Variants in KDELR1 observed in about 807,000 individuals in gnomAD.
The protein encoded by KDELR1 is ER lumen protein-retaining receptor 1.
KDELR1 carries 16 observed loss-of-function variants against 25.5 expected under a neutral mutation model. That is an observed-to-expected ratio of 0.63 (90% CI 0.43 to 0.95). The LOEUF (loss-of-function observed/expected upper bound fraction) is 0.95. KDELR1 is among the 40% of genes least tolerant of loss of function. The pLI is 0.00. For missense variants in KDELR1, 159 were observed against 265.2 expected, an observed-to-expected ratio of 0.60 and a Z score of 2.78; for synonymous variants, 121 against 115.0, an observed-to-expected ratio of 1.05 and a Z score of -0.33.
chr19:48,390,577 G>GAGAGAGAGAGAGAGAGAGAGACAGAC lies in KDELR1; in HGVS notation c.92-54_92-53insGTCTGTCTCTCTCTCTCTCTCTCTCT, dbSNP rs1555890422. On this transcript the variant is annotated intron_variant, in intron 1 of 4. Coordinates refer to ENST00000330720, the MANE Select transcript of KDELR1 (RefSeq NM_006801.3). ...AGAGAGAGAGACAGAGAGAGAGAGA[G>GAGAGAGAGAGAGAGAGAGAGACAGAC]AGACAGACAGACAGACAGACAGACA... The GAGAGAGAGAGAGAGAGAGAGACAGAC allele has an allele frequency of 7.1e-6, 7 of 980,254 alleles. No homozygotes were observed. The African/African-American group carries it at 1.2e-4, about 16-fold the overall frequency. The allele number at this position is 980,254 out of a possible 1,614,324, so 60.7% of individuals were successfully genotyped here.
Position 48,384,429 on chromosome 19 carries a change from C to T in KDELR1, c.405G>A (p.Leu135=). 2.5e-6 allele frequency: 4 copies of T among 1,613,786 alleles called. No individual in the cohort carries two copies. Among genetic ancestry groups the T allele is most frequent in the South Asian group, 2.2e-5 (2 of 90,998 alleles). Residue 135 remains leucine, a synonymous_variant, in exon 4 of 5, where the codon CTG becomes CTA. Transcript: ENST00000330720. This position sits in a 1 kb window ranked among gnomAD's most constrained non-coding sequence, Gnocchi z 4.6. ...YLESVAILPQ[L]FMVSKTGEAE... ...CCTCGCCGGTCTTGCTCACCATGAA[C>T]AGCTGCGGCAAGATGGCCACTGACT... is the stretch of plus-strand genomic sequence containing the variant.
At chr19:48,387,702 A>G (rs1270436716) in intron 3 of KDELR1, 3 of 151,980 alleles carry the variant, frequency 2.0e-5, no homozygotes, top group African/African-American at 4.8e-5. Flanking sequence ...AAAAAAAAAA[A>G]AAAGAAATAT....
chr19:48,396,832 G>C, the KDELR1 span, among the ~76,000 whole-genome samples: 2 of 152,010 alleles, frequency 1.3e-5, no homozygotes, highest in Non-Finnish European at 2.9e-5. Flanking sequence ...AACCAGACAG[G>C]AGCATGACAG....
upstream of KDELR1, among the ~76,000 whole-genome samples, chr19:48,394,673 C>A (rs1970614701): frequency 6.6e-6 from 1 of 152,198 alleles, no homozygotes; most frequent in Admixed American, 6.5e-5. This position sits in a 1 kb window ranked among gnomAD's most constrained non-coding sequence, Gnocchi z 5.1. Flanking sequence ...CATGTGTAGC[C>A]ACGTCCTCGC....
upstream of KDELR1, among the ~76,000 whole-genome samples, chr19:48,393,678 A>AGT (rs1165976552): frequency 1.3e-5 from 2 of 151,504 alleles, no homozygotes; most frequent in Non-Finnish European, 2.9e-5. The surrounding 1 kb of genome is among the most constrained non-coding windows in gnomAD (Gnocchi z 5.6). Flanking sequence ...ATCCCGAGTG[A>AGT]GTGTGTGTGT....
chr19:48,393,490 C>T (rs1191513574), upstream of KDELR1, among the ~76,000 whole-genome samples: 1 of 152,074 alleles, frequency 6.6e-6, no homozygotes, highest in African/African-American at 2.4e-5. This position sits in a 1 kb window ranked among gnomAD's most constrained non-coding sequence, Gnocchi z 5.6. Flanking sequence ...TGACTTCTTC[C>T]TCCCTTTTTA....
chr19:48,395,844 G>A (rs933248926), upstream of KDELR1, among the ~76,000 whole-genome samples: 7 of 152,086 alleles, frequency 4.6e-5, no homozygotes, highest in African/African-American at 1.7e-4. Context: ...GGGGGAAGAG[G>A]GGAGCTGGGG....
At position 48,388,840 on chromosome 19, in the gene KDELR1, GAGGAAAGGAAGA is replaced by G. The variant is rs1453531124; in HGVS notation, c.351+701_351+712del. Among the ~76,000 whole-genome samples, 14 of 148,054 alleles carry G rather than the reference GAGGAAAGGAAGA, an allele frequency of 9.5e-5. No homozygotes were observed. In the South Asian group the frequency reaches 2.2e-3, roughly 23 times the overall value. On this transcript the variant is annotated intron_variant, in intron 3 of 4. Transcript: ENST00000330720. ...GGAAGGAGGAAAGGAAGAAAGGAAG[GAGGAAAGGAAGA>G]AGGAAAGGAAGAAAGAAAGGAAGGA...
intron 3 of KDELR1, among the ~76,000 whole-genome samples, chr19:48,389,104 G>T (rs180691340): frequency 6.6e-6 from 1 of 151,948 alleles, no homozygotes; most frequent in Non-Finnish European, 1.5e-5. Flanking sequence ...ACCCTGTCTG[G>T]ACTAAAAATA....
the KDELR1 span, among the ~76,000 whole-genome samples, chr19:48,397,201 G>A: frequency 6.6e-6 from 1 of 152,112 alleles, no homozygotes; most frequent in Non-Finnish European, 1.5e-5. Flanking sequence ...GGACTAAGGG[G>A]ACAAAATGGG....
chr19:48,391,657 G>T (rs1196612481), upstream of KDELR1: 2 of 432,176 alleles, frequency 4.6e-6, no homozygotes, highest in Non-Finnish European at 8.5e-6. Flanking sequence ...GCTTTGCCGT[G>T]GCGGCGCTAA....
rs574160098 is a variant in KDELR1 at position 48,389,778 on chromosome 19, G to C, written c.193-67C>G. 1.9e-6 allele frequency: 3 copies of C among 1,566,030 alleles called. No homozygotes were observed. The African/African-American group carries it at 4.1e-5, about 21-fold the overall frequency. ...CTGTGCCCCAGTAGGCTCAGAGCCC[G>C]GAGTCCAGGCCCCTCCCTCAGACGC... is the stretch of plus-strand genomic sequence containing the variant. On this transcript the variant is annotated intron_variant, in intron 2 of 4. Transcript: ENST00000330720.
chr19:48,393,127 G>A (rs373390184), upstream of KDELR1, among the ~76,000 whole-genome samples: 8 of 152,222 alleles, frequency 5.3e-5, no homozygotes, highest in South Asian at 1.0e-3. The surrounding 1 kb of genome is among the most constrained non-coding windows in gnomAD (Gnocchi z 5.6). Context: ...TGGCTTGTAC[G>A]GGGGAGAGTC....
In KDELR1 at chr19:48,384,569, G is replaced by C; in HGVS notation, c.352-87C>G. ...ACAACATTGCAGTTACAGGTGCCGCGAAGGTGGAGAGAAGGAAGGTGATCC... is the reference window on the plus strand; with the variant it reads ...ACAACATTGCAGTTACAGGTGCCGCCAAGGTGGAGAGAAGGAAGGTGATCC... On this transcript the variant is annotated intron_variant, in intron 3 of 4. Coordinates refer to ENST00000330720, the MANE Select transcript of KDELR1 (RefSeq NM_006801.3). The surrounding 1 kb of genome is among the most constrained non-coding windows in gnomAD (Gnocchi z 4.6). 6.8e-7 allele frequency: 1 copy of C among 1,479,322 alleles called. No individual in the cohort carries two copies. The highest frequency in any genetic ancestry group is 1.3e-5 in the South Asian group (1 of 76,546). The allele number at this position is 1,479,322 out of a possible 1,614,324, so 91.6% of individuals were successfully genotyped here. A position where few individuals can be genotyped will look rare whatever the true frequency, so the allele number is the denominator to read the frequency against.
chr19:48,396,148 C>T (rs375685687), upstream of KDELR1, among the ~76,000 whole-genome samples: 2 of 151,058 alleles, frequency 1.3e-5, no homozygotes, highest in African/African-American at 4.9e-5. Flanking sequence ...GAAGTGGAAA[C>T]GGAGGCTCAT....
At chr19:48,394,226 G>C (rs1264451151), upstream of KDELR1, among the ~76,000 whole-genome samples, 1 of 152,020 alleles carries the variant, frequency 6.6e-6, no homozygotes, top group African/African-American at 2.4e-5. The surrounding 1 kb of genome is among the most constrained non-coding windows in gnomAD (Gnocchi z 5.1). Context: ...AGCTCTGGGG[G>C]TGTTGAGGGG....
At chr19:48,391,740 G>C (rs1390060548), upstream of KDELR1, among the ~76,000 whole-genome samples, 1 of 152,158 alleles carries the variant, frequency 6.6e-6, no homozygotes, top group African/African-American at 2.4e-5. Context: ...TCCAGCACCG[G>C]TTCGCCCAGG....
chr19:48,392,415 G>C (rs895686280), upstream of KDELR1, among the ~76,000 whole-genome samples: 34 of 142,380 alleles, frequency 2.4e-4, no homozygotes, highest in Non-Finnish European at 4.1e-4. Flanking sequence ...TCCTCCCTCA[G>C]ACCCAGGGGT....
chr19:48,394,483 G>A (rs1044931360), upstream of KDELR1, among the ~76,000 whole-genome samples: 2 of 150,980 alleles, frequency 1.3e-5, no homozygotes, highest in South Asian at 2.1e-4. This position sits in a 1 kb window ranked among gnomAD's most constrained non-coding sequence, Gnocchi z 5.1. Flanking sequence ...GGCACAAAGC[G>A]GGGGTGCGAG....
Sources: gnomAD v4.1 joint callset for allele counts (sites outside exome capture counted in the v4.1 genomes callset) on GRCh38, gnomAD v4.1.1 for gene constraint, Gnocchi (gnomAD v3.1) non-coding constraint, MANE v1.5 for transcripts, NCBI Gene and HGNC (gene_info 2026-07-23, HGNC 2026-07-21) for gene names.